Variants in WDR70 observed in about 807,000 individuals in gnomAD.
The protein encoded by WDR70 is WD repeat-containing protein 70.
Under a neutral mutation model 88.6 loss-of-function variants are expected in WDR70, and 53 were observed. The observed-to-expected ratio is 0.60, with a 90% CI of 0.48 to 0.75. The LOEUF is 0.75. WDR70 is among the 30% of genes least tolerant of loss of function. WDR70 has a pLI of 0.00. For missense variants in WDR70, 610 were observed against 823.2 expected, an observed-to-expected ratio of 0.74 and a Z score of 3.17; for synonymous variants, 280 against 270.0, an observed-to-expected ratio of 1.04 and a Z score of -0.36.
At chr5:37,443,906 T>C (rs1164738748) in intron 7 of WDR70, among the ~76,000 whole-genome samples, 4 of 152,040 alleles carry the variant, frequency 2.6e-5, no homozygotes, top group African/African-American at 9.7e-5. Context: ...CCCAGCACTT[T>C]GGGAGGCCAA....
chr5:37,562,941 C>T (rs535851374), intron 9 of WDR70, among the ~76,000 whole-genome samples: 260 of 150,864 alleles, frequency 1.7e-3, no homozygotes, highest in Admixed American at 2.9e-3. Flanking sequence ...TCATCATGGC[C>T]CGTTCTCAAT....
intron 8 of WDR70, among the ~76,000 whole-genome samples, chr5:37,496,515 C>A (rs1260978091): frequency 1.3e-5 from 2 of 152,192 alleles, no homozygotes; most frequent in Non-Finnish European, 1.5e-5. Context: ...TCCATGGCTT[C>A]ATGTTTGAGG....
At chr5:37,710,886 T>C (rs1056478156) in intron 13 of WDR70, among the ~76,000 whole-genome samples, 1 of 151,972 alleles carries the variant, frequency 6.6e-6, no homozygotes, top group African/African-American at 2.4e-5. Context: ...CTTTGAATTA[T>C]GGACTTCTTC....
rs113034775 is a variant in WDR70, at chr5:37,427,755, C to T, written c.493-10167C>T. Among the ~76,000 whole-genome samples, 1,324 of 152,194 alleles carry T rather than the reference C, an allele frequency of 8.7e-3. 24 individuals are homozygous for T. The highest frequency in any genetic ancestry group is 0.03 in the African/African-American group (1,248 of 41,520). On this transcript the variant is annotated intron_variant, in intron 5 of 17. Transcript: ENST00000265107. ...TACAAAAAATAGCTGGGCGTGGTGG[C>T]GCGCGCCTGTAATCCCAGCTACTCA...
chr5:37,511,839 A>G (rs1052650306), intron 8 of WDR70, among the ~76,000 whole-genome samples: 7 of 152,192 alleles, frequency 4.6e-5, no homozygotes, highest in African/African-American at 1.7e-4. Context: ...TCTTCATTAT[A>G]TTGAAGGCAG....
At chr5:37,468,190 G>A (rs940466913) in intron 7 of WDR70, among the ~76,000 whole-genome samples, 2 of 152,194 alleles carry the variant, frequency 1.3e-5, no homozygotes, top group African/African-American at 4.8e-5. Flanking sequence ...GCAGTCTGTA[G>A]CAGATGGTAA....
chr5:37,666,459 T>G (rs928945336), intron 10 of WDR70, among the ~76,000 whole-genome samples: 6 of 152,208 alleles, frequency 3.9e-5, no homozygotes, highest in African/African-American at 1.4e-4. Flanking sequence ...AATCAGCTTG[T>G]GCTTATGGAC....
chr5:37,417,216 A>G (rs956431921), intron 5 of WDR70, among the ~76,000 whole-genome samples: 2 of 152,146 alleles, frequency 1.3e-5, no homozygotes, highest in African/African-American at 4.8e-5. Context: ...CTCTTTACTT[A>G]CAAGTTTTTG....
At chr5:37,521,701 TATAC>T (rs1397835697) in intron 9 of WDR70, among the ~76,000 whole-genome samples, 2 of 81,484 alleles carry the variant, frequency 2.5e-5, no homozygotes, top group Non-Finnish European at 5.3e-5. Flanking sequence ...GTAGTCCAAG[TATAC>T]ACACACACAC....
intron 8 of WDR70, among the ~76,000 whole-genome samples, chr5:37,492,767 AG>A (rs1032959048): frequency 2.0e-5 from 3 of 152,216 alleles, no homozygotes; most frequent in Non-Finnish European, 4.4e-5. Flanking sequence ...GAGAAAACCA[AG>A]GGAAGTTTTG....
intron 7 of WDR70, among the ~76,000 whole-genome samples, chr5:37,454,789 A>T (rs1738781537): frequency 6.6e-6 from 1 of 152,216 alleles, no homozygotes; most frequent in Non-Finnish European, 1.5e-5. Flanking sequence ...TTCTACAACT[A>T]AGTATAACTA....
At chr5:37,473,377 CTT>C (rs1428539862) in intron 7 of WDR70, among the ~76,000 whole-genome samples, 1 of 136,732 alleles carries the variant, frequency 7.3e-6, no homozygotes, top group Non-Finnish European at 1.5e-5. Context: ...GAGTTTCGCT[CTT>C]GTTGCCCAAG....
intron 8 of WDR70, among the ~76,000 whole-genome samples, chr5:37,495,749 T>C (rs2112203482): frequency 6.6e-6 from 1 of 152,308 alleles, no homozygotes. Flanking sequence ...TCTTTAAAAA[T>C]TGTTCCACTA....
At chr5:37,612,476 A>G (rs10062316) in intron 10 of WDR70, among the ~76,000 whole-genome samples, 87,363 of 151,906 alleles carry the variant, frequency 0.58, 25,284 homozygotes, top group African/African-American at 0.61. Context: ...CCCATGTCAT[A>G]TTGTTATGAG....
chr5:37,480,503 C>T lies in WDR70; in HGVS notation c.840+516C>T, dbSNP rs150760535. Among the ~76,000 whole-genome samples the T allele has an allele frequency of 9.8e-3, 1,486 of 152,218 alleles. 34 individuals are homozygous for T. The highest frequency in any genetic ancestry group is 0.035 in the African/African-American group (1,435 of 41,504). Reference sequence around the variant, plus strand: ...GGTGGAAGGCAAGGAGGTGCAAAGTCGTGTCTTACATGGCGGCAGGCAGGA... The same window carrying T: ...GGTGGAAGGCAAGGAGGTGCAAAGTTGTGTCTTACATGGCGGCAGGCAGGA... On this transcript the variant is annotated intron_variant, in intron 8 of 17. Transcript: ENST00000265107.
chr5:37,532,575 C>T (rs1196246590), intron 9 of WDR70, among the ~76,000 whole-genome samples: 5 of 151,946 alleles, frequency 3.3e-5, no homozygotes, highest in Non-Finnish European at 7.4e-5. Flanking sequence ...GTGTATTTTG[C>T]ATTTCTCTGA....
At chr5:37,608,073 G>C (rs1301704658) in intron 10 of WDR70, among the ~76,000 whole-genome samples, 2 of 124,796 alleles carry the variant, frequency 1.6e-5, no homozygotes, top group African/African-American at 6.3e-5. Flanking sequence ...ACGGAGTCTT[G>C]CTCTGTCGCC....
rs189176548 is a variant in WDR70, at chr5:37,581,354, C to T, written c.918-23710C>T. 2.0e-3 allele frequency among the ~76,000 whole-genome samples: 300 copies of T among 152,304 alleles called. 8 individuals are homozygous for T. In the South Asian group the frequency reaches 0.021, roughly 10 times the overall value. On this transcript the variant is annotated intron_variant, in intron 9 of 17. Coordinates refer to ENST00000265107, the MANE Select transcript of WDR70 (RefSeq NM_018034.4). ...CTTTGTGTATATTTCTCATCCAATTCTTTAAAATAACTATAAAGTATTTCC... is the reference window on the plus strand; with the variant it reads ...CTTTGTGTATATTTCTCATCCAATTTTTTAAAATAACTATAAAGTATTTCC...
chr5:37,470,760 TGAGTAG>T (rs1409435780), intron 7 of WDR70, among the ~76,000 whole-genome samples: 3 of 152,204 alleles, frequency 2.0e-5, no homozygotes, highest in African/African-American at 7.2e-5. Context: ...GGGGCTATTA[TGAGTAG>T]TTTTTCTGTG....
Sources: allele counts gnomAD v4.1 joint callset (sites outside exome capture counted in the v4.1 genomes callset), GRCh38; gene constraint gnomAD v4.1.1; transcripts MANE v1.5; gene names NCBI Gene and HGNC (gene_info 2026-07-23, HGNC 2026-07-21).